Variants in DAPK1 observed in about 807,000 individuals in gnomAD.
The protein encoded by DAPK1 is death-associated protein kinase 1.
A neutral mutation model predicts 144.9 loss-of-function variants in DAPK1; 56 were observed. The ratio of observed to expected loss-of-function variants is 0.39; its 90% CI spans 0.31 to 0.48. The LOEUF (loss-of-function observed/expected upper bound fraction) is 0.48, where lower values mean the gene tolerates loss of function less well. Ranked by LOEUF, DAPK1 falls within the 20% of genes least tolerant of loss-of-function variation. DAPK1 has a pLI of 0.95. For synonymous variants in DAPK1, 690 were observed against 749.0 expected (o/e 0.92, Z 1.29); for missense variants, 1,454 against 1,875.4 (o/e 0.78, Z 4.15).
chr9:87,703,375 C>G (rs1001330348), intron 25 of DAPK1, among the ~76,000 whole-genome samples, 158 bp downstream of exon 25: 1 of 152,246 alleles, frequency 6.6e-6, no homozygotes, highest in Non-Finnish European at 1.5e-5. Flanking sequence ...AACACAGCCT[C>G]AAGTGACGCT....
intron 25 of DAPK1, among the ~76,000 whole-genome samples, chr9:87,704,681 A>G (rs969563553): frequency 7.9e-4 from 121 of 152,360 alleles, no homozygotes; most frequent in African/African-American, 2.7e-3. Context: ...TGCAAATGGT[A>G]TTCCAGCAAA....
At chr9:87,611,973 A>G (rs1474353868) in intron 3 of DAPK1, among the ~76,000 whole-genome samples, 1 of 152,188 alleles carries the variant, frequency 6.6e-6, no homozygotes, top group Non-Finnish European at 1.5e-5. Flanking sequence ...AAATAAGTTT[A>G]TGTCTTACAG....
chr9:87,571,684 T>C (rs1399185557), intron 2 of DAPK1, among the ~76,000 whole-genome samples: 2 of 152,164 alleles, frequency 1.3e-5, no homozygotes, highest in Non-Finnish European at 2.9e-5. Context: ...GCTGATGCCA[T>C]GTAAACAGCG....
intron 2 of DAPK1, among the ~76,000 whole-genome samples, chr9:87,544,699 G>T (rs1012605573): frequency 6.6e-6 from 1 of 152,110 alleles, no homozygotes; most frequent in African/African-American, 2.4e-5. Context: ...GCTCTTACTG[G>T]TGAGATGGAT....
chr9:87,580,775 G>T (rs1419553558), intron 2 of DAPK1, among the ~76,000 whole-genome samples: 1 of 152,162 alleles, frequency 6.6e-6, no homozygotes, highest in Non-Finnish European at 1.5e-5. Flanking sequence ...CTGTAAAGAA[G>T]ACATATACGA....
chr9:87,699,476 G>C (rs1825383925), intron 23 of DAPK1, among the ~76,000 whole-genome samples: 1 of 152,178 alleles, frequency 6.6e-6, no homozygotes, highest in Non-Finnish European at 1.5e-5. Context: ...GACAGGATAG[G>C]ATAGATCAGA....
At chr9:87,683,022 T>A (rs1240998413) in intron 20 of DAPK1, among the ~76,000 whole-genome samples, 1 of 151,676 alleles carries the variant, frequency 6.6e-6, no homozygotes, top group Non-Finnish European at 1.5e-5. Context: ...AAGTAGATAA[T>A]GGAAAAAATG....
At chr9:87,566,431 C>T (rs1234932180) in intron 2 of DAPK1, among the ~76,000 whole-genome samples, 1 of 152,104 alleles carries the variant, frequency 6.6e-6, no homozygotes, top group African/African-American at 2.4e-5. Flanking sequence ...ATCTATATAT[C>T]TCCAAGATGA....
intron 20 of DAPK1, among the ~76,000 whole-genome samples, chr9:87,683,365 G>A (rs1377399308): frequency 6.6e-6 from 1 of 152,166 alleles, no homozygotes; most frequent in Non-Finnish European, 1.5e-5. Context: ...ACAGGCGTGA[G>A]CCACCGCACC....
intron 3 of DAPK1, among the ~76,000 whole-genome samples, chr9:87,620,647 G>T (rs368049199): frequency 6.6e-6 from 1 of 151,656 alleles, no homozygotes; most frequent in African/African-American, 2.4e-5. Context: ...GAGGAGGACT[G>T]GGAGTAGGAC....
chr9:87,605,047 C>T lies in DAPK1; in HGVS notation c.156C>T (p.Ser52=). ...KFIKKRRTKS[S]RRGVSREDIE... ...TCAAGAAAAGGAGGACTAAGTCCAG[C>T]CGGCGGGGTGTGAGCCGCGAGGACA... is the stretch of plus-strand genomic sequence containing the variant. Residue 52 remains serine, a synonymous_variant, in exon 3 of 26, where the codon AGC becomes AGT. Coordinates refer to ENST00000408954, the MANE Select transcript of DAPK1 (RefSeq NM_004938.4). 1 of 1,614,190 alleles carries T rather than the reference C, an allele frequency of 6.2e-7. No individual in the cohort carries two copies. The highest frequency in any genetic ancestry group is 8.5e-7 in the Non-Finnish European group (1 of 1,180,038).
At chr9:87,536,535 G>C (rs993123235) in intron 2 of DAPK1, among the ~76,000 whole-genome samples, 3 of 151,576 alleles carry the variant, frequency 2.0e-5, no homozygotes, top group African/African-American at 7.3e-5. Context: ...AAATCTTATG[G>C]GGAATAATAA....
At position 87,658,240 on chromosome 9, in the gene DAPK1, G is replaced by C. The variant is rs929158967; in HGVS notation, c.1923+113G>C. The C allele has an allele frequency of 3.3e-5, 20 of 610,776 alleles. No homozygotes were observed. The African/African-American group carries it at 3.5e-4, about 11-fold the overall frequency. The allele number at this position is 610,776 out of a possible 1,614,324, so 37.8% of individuals were successfully genotyped here. On this transcript the variant is annotated intron_variant, in intron 18 of 25. Coordinates refer to ENST00000408954, the MANE Select transcript of DAPK1 (RefSeq NM_004938.4). ...CTCTGCATTCTGAAGCAGCCAGGCT[G>C]CTGTTCAGCCATAGCTCCTCCACTG...
intron 2 of DAPK1, among the ~76,000 whole-genome samples, chr9:87,561,521 G>C (rs893286873): frequency 5.3e-5 from 6 of 113,204 alleles, no homozygotes; most frequent in African/African-American, 2.4e-4. Context: ...GCGAGACTCC[G>C]TCTCAAAAGA....
At chr9:87,661,776 G>GT (rs1830856048) in intron 18 of DAPK1, among the ~76,000 whole-genome samples, 1 of 152,180 alleles carries the variant, frequency 6.6e-6, no homozygotes, top group Non-Finnish European at 1.5e-5. Flanking sequence ...CATTCTGCAA[G>GT]TTGTCTGTTC....
Position 87,571,456 on chromosome 9 carries a change from C to G in DAPK1, c.63-33498C>G, listed in dbSNP as rs1827331034. On this transcript the variant is annotated intron_variant, in intron 2 of 25. Transcript: ENST00000408954. ...CCCCCAACACACACACACACACACACACACACACACACACACACCAACACA... is the reference window on the plus strand; with the variant it reads ...CCCCCAACACACACACACACACACAGACACACACACACACACACCAACACA... Among the ~76,000 whole-genome samples the G allele has an allele frequency of 3.0e-5, 2 of 65,716 alleles. 1 individual carries two copies. The highest frequency in any genetic ancestry group is 5.7e-5 in the Non-Finnish European group (2 of 35,292). The allele number at this position is 65,716 out of a possible 152,430, so 43.1% of individuals were successfully genotyped here.
chr9:87,684,638 C>T (rs940794977), intron 20 of DAPK1, among the ~76,000 whole-genome samples: 3 of 152,092 alleles, frequency 2.0e-5, no homozygotes, highest in African/African-American at 7.2e-5. Flanking sequence ...GGAAGGAAAA[C>T]ATCCAAGGTC....
intron 9 of DAPK1, among the ~76,000 whole-genome samples, chr9:87,641,748 A>G (rs200505898): frequency 1.3e-5 from 2 of 152,134 alleles, no homozygotes; most frequent in East Asian, 1.9e-4. Context: ...CCCAAGCTCT[A>G]CTTCTCCCCA....
At chr9:87,571,498 A>C (rs1279070552) in intron 2 of DAPK1, among the ~76,000 whole-genome samples, 3,665 of 46,372 alleles carry the variant, frequency 0.079, 548 homozygotes, top group Middle Eastern at 0.095. Flanking sequence ...CACACACCCC[A>C]ACACACACAC....
Sources: allele counts gnomAD v4.1 joint callset (sites outside exome capture counted in the v4.1 genomes callset), GRCh38; gene constraint gnomAD v4.1.1; transcripts MANE v1.5; gene names NCBI Gene and HGNC (gene_info 2026-07-23, HGNC 2026-07-21).